CPB2: variants seen among roughly 807,000 people sequenced by gnomAD.
CPB2 encodes the protein carboxypeptidase B-like protein.
CPB2 carries 54 observed loss-of-function variants against 57.0 expected under a neutral mutation model. That is an observed-to-expected ratio of 0.95 (90% CI 0.76 to 1.19). CPB2 has a LOEUF of 1.19. Ranked by LOEUF, CPB2 falls within the 50% of genes most tolerant of loss-of-function variation. The pLI, the probability that CPB2 is intolerant of heterozygous loss-of-function variation, is 0.00. For synonymous variants in CPB2, 189 were observed against 178.1 expected (o/e 1.06, Z -0.49); for missense variants, 426 against 512.0 (o/e 0.83, Z 1.62).
chr13:46,062,905 G>T (rs1340608204), intron 8 of CPB2, among the ~76,000 whole-genome samples: 2 of 152,194 alleles, frequency 1.3e-5, no homozygotes, highest in East Asian at 3.8e-4. Flanking sequence ...TTAAAATCAT[G>T]AAATTTTACC....
rs1246894554 is a variant in CPB2 at position 46,073,918 on chromosome 13, G to T, written c.546C>A (p.Ala182=). Residue 182 remains alanine (A), a synonymous_variant, in exon 6 of 11, where the codon GCC becomes GCA. Transcript: ENST00000181383. The part of the protein sequence containing the change: ...NAIWIDCGIH[A]REWISPAFCL... Reference sequence around the variant, plus strand: ...AGAAAGCAGGAGAGATCCATTCTCTGGCATGGATTCCACAGTCAATCCATA... The same window carrying T: ...AGAAAGCAGGAGAGATCCATTCTCTTGCATGGATTCCACAGTCAATCCATA... 6.3e-7 allele frequency: 1 copy of T among 1,591,132 alleles called. No individual in the cohort carries two copies. The highest frequency in any genetic ancestry group is 8.6e-7 in the Non-Finnish European group (1 of 1,162,190).
intron 1 of CPB2, chr13:46,100,760 C>A (rs2045424568): frequency 6.6e-6 from 1 of 152,060 alleles, no homozygotes; most frequent in African/African-American, 2.4e-5. Flanking sequence ...ATAGGGCCAC[C>A]TAAAGGGATG....
rs537691735 is a variant in CPB2, at chr13:46,059,391, A to G, written c.797-1010T>C. Among the ~76,000 whole-genome samples, 5 of 152,320 alleles carry G rather than the reference A, an allele frequency of 3.3e-5. No homozygotes were observed. The South Asian group carries it at 1.0e-3, about 32-fold the overall frequency. On this transcript the variant is annotated intron_variant, in intron 8 of 10. Transcript: ENST00000181383. ...AATTACTTGATTCTAAATCTTGACTACCATTTATTAGCTATATGGCTTTGG... is the reference window on the plus strand; with the variant it reads ...AATTACTTGATTCTAAATCTTGACTGCCATTTATTAGCTATATGGCTTTGG...
chr13:46,085,158 C>T (rs766733296), intron 2 of CPB2, among the ~76,000 whole-genome samples: 4 of 152,150 alleles, frequency 2.6e-5, no homozygotes, highest in African/African-American at 4.8e-5. Context: ...TTTTTCAAAG[C>T]ACTTTCACAC....
intron 5 of CPB2, among the ~76,000 whole-genome samples, chr13:46,076,558 C>T (rs564466164): frequency 1.8e-4 from 28 of 152,142 alleles, no homozygotes; most frequent in African/African-American, 6.7e-4. Context: ...TCCGTACTAC[C>T]GAATGGAATC....
rs554209641 is a variant in CPB2 at position 46,072,292 on chromosome 13, T to C, written c.591+1581A>G. 9.9e-5 allele frequency among the ~76,000 whole-genome samples: 15 copies of C among 152,254 alleles called. No homozygotes were observed. In the South Asian group the frequency reaches 3.1e-3, roughly 32 times the overall value. ...TTAATTTGCCTTTGGGTGGTTTAGT[T>C]TTTGAATATAAAACCTACCTTCACA... On this transcript the variant is annotated intron_variant, in intron 6 of 10. Coordinates refer to ENST00000181383, the MANE Select transcript of CPB2 (RefSeq NM_001872.5).
At chr13:46,083,194 G>A (rs1317644889) in intron 3 of CPB2, among the ~76,000 whole-genome samples, 2 of 151,986 alleles carry the variant, frequency 1.3e-5, no homozygotes, top group East Asian at 1.9e-4. Flanking sequence ...CTTTTATTTA[G>A]GCCAATAAAT....
At chr13:46,074,973 A>G (rs1460487173) in intron 5 of CPB2, among the ~76,000 whole-genome samples, 2 of 152,196 alleles carry the variant, frequency 1.3e-5, no homozygotes, top group African/African-American at 4.8e-5. Flanking sequence ...CTGGCTATTC[A>G]TCTCCAGTTG....
At chr13:46,074,426 T>A (rs1413254265) in intron 5 of CPB2, among the ~76,000 whole-genome samples, 1 of 64,430 alleles carries the variant, frequency 1.6e-5, no homozygotes, top group East Asian at 3.6e-4. Flanking sequence ...GAGTGCATAT[T>A]TTTTTTTTAT....
chr13:46,067,581 C>T (rs1343558089), intron 6 of CPB2, among the ~76,000 whole-genome samples, 164 bp from the exon 7 acceptor site: 1 of 151,974 alleles, frequency 6.6e-6, no homozygotes, highest in East Asian at 1.9e-4. Context: ...TAGGGTGCTA[C>T]GAAGTGGTGA....
At chr13:46,081,397 C>A (rs564961979) in intron 4 of CPB2, among the ~76,000 whole-genome samples, 2 of 152,276 alleles carry the variant, frequency 1.3e-5, no homozygotes, top group African/African-American at 4.8e-5. Context: ...TATGAAGCCT[C>A]TCTGCATCAA....
intron 8 of CPB2, among the ~76,000 whole-genome samples, chr13:46,061,778 AACAC>A (rs113483504): frequency 6.6e-6 from 1 of 151,906 alleles, no homozygotes. Context: ...TCTCATCTCC[AACAC>A]ACACACACAC....
At chr13:46,063,867 A>G (rs1254838239) in intron 8 of CPB2, among the ~76,000 whole-genome samples, 1 of 151,520 alleles carries the variant, frequency 6.6e-6, no homozygotes, top group Non-Finnish European at 1.5e-5. Flanking sequence ...TAATATTTTT[A>G]TATTTTCTTT....
intron 8 of CPB2, among the ~76,000 whole-genome samples, chr13:46,060,809 C>A (rs1462125847): frequency 2.6e-5 from 4 of 152,150 alleles, no homozygotes; most frequent in Non-Finnish European, 4.4e-5. Flanking sequence ...GAGGTCGAGA[C>A]TCTGCTTTAC....
At chr13:46,071,385 C>T (rs2044940328) in intron 6 of CPB2, among the ~76,000 whole-genome samples, 1 of 152,122 alleles carries the variant, frequency 6.6e-6, no homozygotes, top group Admixed American at 6.5e-5. Context: ...TTGTTGCTGT[C>T]CATGGCCACA....
chr13:46,099,867 A>G (rs1292552890), intron 1 of CPB2: 1 of 152,204 alleles, frequency 6.6e-6, no homozygotes, highest in East Asian at 1.9e-4. Context: ...TTTACTAAAA[A>G]TACAAAAATA....
In CPB2 at chr13:46,053,506, C is replaced by T. The variant is rs1318490698; in HGVS notation, c.*108G>A. 1.3e-6 allele frequency: 2 copies of T among 1,490,272 alleles called. No homozygotes were observed. Among genetic ancestry groups the T allele is most frequent in the East Asian group, 2.3e-5 (1 of 43,838 alleles). 92.3% of individuals were successfully genotyped at this position (1,490,272 alleles called of 1,614,324 possible). A position where few individuals can be genotyped will look rare whatever the true frequency, so the allele number is the denominator to read the frequency against. On this transcript the variant is annotated 3_prime_UTR_variant, in exon 11 of 11. Coordinates refer to ENST00000181383, the MANE Select transcript of CPB2 (RefSeq NM_001872.5). The stretch of plus-strand genomic sequence containing the variant: ...TGACAGAACCAAGGAATAGGAAAAT[C>T]TTTTATCAAAACTACGGATAAAACT...
chr13:46,059,657 C>G (rs113423855), intron 8 of CPB2, among the ~76,000 whole-genome samples: 59 of 151,992 alleles, frequency 3.9e-4, no homozygotes, highest in African/African-American at 1.3e-3. Context: ...GTGTGCATCA[C>G]AGAGATGAGA....
intron 7 of CPB2, among the ~76,000 whole-genome samples, chr13:46,066,567 G>A (rs984006190): frequency 6.6e-5 from 10 of 152,144 alleles, no homozygotes; most frequent in African/African-American, 1.2e-4. Context: ...TTAGGAGGCC[G>A]GGCGAGGTGG....
Sources: gnomAD v4.1 joint callset for allele counts (sites outside exome capture counted in the v4.1 genomes callset) on GRCh38, gnomAD v4.1.1 for gene constraint, MANE v1.5 for transcripts, NCBI Gene and HGNC (gene_info 2026-07-23, HGNC 2026-07-21) for gene names.